OCA2: variants seen among roughly 807,000 people sequenced by gnomAD.
OCA2 encodes the protein P protein.
In OCA2, 77 loss-of-function variants were observed where a neutral mutation model predicts 100.2. That is an observed-to-expected ratio of 0.77 (90% CI 0.64 to 0.93). The LOEUF (loss-of-function observed/expected upper bound fraction) is 0.93, where lower values mean the gene tolerates loss of function less well. Among genes scored for constraint, OCA2 ranks in the 40% least tolerant of loss-of-function variants. The pLI, the probability that OCA2 is intolerant of heterozygous loss-of-function variation, is 0.00. For missense variants in OCA2, 1,062 were observed against 1,089.1 expected (o/e 0.98, Z 0.35); for synonymous variants, 432 against 439.2 (o/e 0.98, Z 0.21).
At chr15:27,955,525 C>A (rs566067155) in intron 16 of OCA2, among the ~76,000 whole-genome samples, 96 of 152,318 alleles carry the variant, frequency 6.3e-4, no homozygotes, top group African/African-American at 2.3e-3. Context: ...AGGGCAGCGA[C>A]CGTCAGTCTC....
intron 23 of OCA2, among the ~76,000 whole-genome samples, chr15:27,814,883 TATAGATAGATAG>T (rs201567846): frequency 0.063 from 6,398 of 101,812 alleles, 167 homozygotes; most frequent in East Asian, 0.11. Flanking sequence ...ATTCTCTCTC[TATAGATAGATAG>T]ATAGATAGAT....
intron 23 of OCA2, among the ~76,000 whole-genome samples, chr15:27,766,729 T>G (rs1376075280): frequency 6.6e-6 from 1 of 152,082 alleles, no homozygotes; most frequent in Non-Finnish European, 1.5e-5. Flanking sequence ...TGAGGCACAG[T>G]CTCCTCCCAG....
chr15:27,985,204 C>T lies in OCA2; in HGVS notation c.1240-16G>A, dbSNP rs1026271007. On this transcript the variant is annotated splice_polypyrimidine_tract_variant and intron_variant, in intron 12 of 23. Transcript: ENST00000354638. Reference sequence around the variant, plus strand: ...GCCGGTATGCCTGGCCACACACACACAGAGAGAGTACAAGCCAGAGTGAGC... The same window carrying T: ...GCCGGTATGCCTGGCCACACACACATAGAGAGAGTACAAGCCAGAGTGAGC... 4 of 1,613,212 alleles carry T rather than the reference C, an allele frequency of 2.5e-6. No homozygotes were observed. Among genetic ancestry groups the T allele is most frequent in the Non-Finnish European group, 3.4e-6 (4 of 1,179,760 alleles).
At chr15:27,846,385 C>T (rs2035538166) in intron 22 of OCA2, among the ~76,000 whole-genome samples, 1 of 152,194 alleles carries the variant, frequency 6.6e-6, no homozygotes, top group South Asian at 2.1e-4. Context: ...CCCAAGAATG[C>T]ACCTGGGTAC....
chr15:27,982,774 T>A (rs1317904601), intron 14 of OCA2, among the ~76,000 whole-genome samples: 1 of 151,766 alleles, frequency 6.6e-6, no homozygotes, highest in Non-Finnish European at 1.5e-5. Flanking sequence ...GATCAAAGAG[T>A]AGAGAATAAA....
chr15:27,932,445 G>C (rs1269080501), intron 18 of OCA2, among the ~76,000 whole-genome samples: 1 of 147,964 alleles, frequency 6.8e-6, no homozygotes, highest in Non-Finnish European at 1.5e-5. Context: ...GTGAAACTGA[G>C]ATATTCAAAA....
chr15:27,945,740 T>C (rs188809136), intron 18 of OCA2, among the ~76,000 whole-genome samples: 220 of 152,252 alleles, frequency 1.4e-3, no homozygotes, highest in Non-Finnish European at 2.4e-3. Context: ...AGGGAAATAA[T>C]GACGGAAAAT....
intron 23 of OCA2, among the ~76,000 whole-genome samples, chr15:27,829,301 A>ATAGATAGATAGATAGATAGTTAGT (rs1555412967): frequency 6.6e-6 from 1 of 151,060 alleles, no homozygotes; most frequent in East Asian, 2.0e-4. Context: ...AGATAGATAG[A>ATAGATAGATAGATAGATAGTTAGT]TAGATAGATA....
chr15:27,985,310 C>T, intron 12 of OCA2, 122 bp from the exon 13 acceptor site: 1 of 1,187,290 alleles, frequency 8.4e-7, no homozygotes, highest in Non-Finnish European at 1.2e-6. Context: ...TGGGTTAAGA[C>T]ATAGACCCAC....
intron 2 of OCA2, among the ~76,000 whole-genome samples, chr15:28,046,313 C>T (rs181305273): frequency 3.3e-5 from 5 of 151,406 alleles, no homozygotes; most frequent in Admixed American, 1.3e-4. Context: ...GGAAAACACA[C>T]GTGCAGTATG....
chr15:27,829,695 C>T (rs2034879105), intron 23 of OCA2, among the ~76,000 whole-genome samples: 1 of 152,204 alleles, frequency 6.6e-6, no homozygotes, highest in African/African-American at 2.4e-5. Flanking sequence ...GGGAAGTCAA[C>T]CTCAATCAGC....
intron 15 of OCA2, among the ~76,000 whole-genome samples, chr15:27,959,086 A>G (rs1205297036): frequency 6.6e-6 from 1 of 152,246 alleles, no homozygotes; most frequent in Non-Finnish European, 1.5e-5. Context: ...GAAGCATGTC[A>G]TGACTCAGAG....
rs140692304 is a variant in OCA2, at chr15:27,991,171, G to T, written c.1045-524C>A. On this transcript the variant is annotated intron_variant, in intron 9 of 23. Transcript: ENST00000354638. ...GAAAAGGCCAAGATGTGGAGAATTGGAGCCCTCATACATTGCTAGTGGGAA... is the reference window on the plus strand; with the variant it reads ...GAAAAGGCCAAGATGTGGAGAATTGTAGCCCTCATACATTGCTAGTGGGAA... Among the ~76,000 whole-genome samples, 245 of 152,290 alleles carry T rather than the reference G, an allele frequency of 1.6e-3. 1 individual carries two copies. The highest frequency in any genetic ancestry group is 5.5e-3 in the African/African-American group (227 of 41,556).
chr15:27,966,526 C>T (rs2040571653), intron 15 of OCA2, among the ~76,000 whole-genome samples, 164 bp downstream of exon 15: 1 of 152,200 alleles, frequency 6.6e-6, no homozygotes, highest in African/African-American at 2.4e-5. Flanking sequence ...CTCATGATAG[C>T]AGCCCTGAAA....
intron 2 of OCA2, among the ~76,000 whole-genome samples, chr15:28,077,379 A>AATAAAATTAG: frequency 6.6e-6 from 1 of 152,260 alleles, no homozygotes; most frequent in Admixed American, 6.5e-5. Context: ...TTTTTTTATG[A>AATAAAATTAG]ATAAAATTAG....
At chr15:27,734,825 C>G in the OCA2 span, among the ~76,000 whole-genome samples, 1 of 152,202 alleles carries the variant, frequency 6.6e-6, no homozygotes. Context: ...GCCAGACAAC[C>G]AGCTCAAAAT....
At chr15:27,943,454 G>C (rs749317534) in intron 18 of OCA2, among the ~76,000 whole-genome samples, 2 of 152,068 alleles carry the variant, frequency 1.3e-5, no homozygotes, top group Non-Finnish European at 2.9e-5. Context: ...TTGCAAAGTT[G>C]TCTTTTGTGG....
chr15:28,096,391 G>A (rs971768867), intron 1 of OCA2, among the ~76,000 whole-genome samples: 3 of 152,206 alleles, frequency 2.0e-5, no homozygotes, highest in African/African-American at 4.8e-5. Flanking sequence ...GCCGTGTCTC[G>A]GGAGCCTGGC....
intron 14 of OCA2, among the ~76,000 whole-genome samples, chr15:27,967,498 T>A (rs1051666926): frequency 6.6e-6 from 1 of 152,214 alleles, no homozygotes; most frequent in African/African-American, 2.4e-5. Flanking sequence ...AAAGACTGAA[T>A]GGGACAAAAT....
Sources: allele counts gnomAD v4.1 joint callset (sites outside exome capture counted in the v4.1 genomes callset), GRCh38; gene constraint gnomAD v4.1.1; transcripts MANE v1.5; gene names NCBI Gene and HGNC (gene_info 2026-07-23, HGNC 2026-07-21).